Variants in DNAH12 observed in about 807,000 individuals in gnomAD.
The protein encoded by DNAH12 is dynein axonemal heavy chain 12.
Under a neutral mutation model 371.5 loss-of-function variants are expected in DNAH12, and 285 were observed. The observed-to-expected ratio is 0.77, with a 90% CI of 0.70 to 0.85. DNAH12 has a LOEUF of 0.85. Ranked by LOEUF, DNAH12 falls within the 40% of genes least tolerant of loss-of-function variation. The pLI is 0.00. For synonymous variants in DNAH12, 1,200 were observed against 1,213.0 expected, an observed-to-expected ratio of 0.99 and a Z score of 0.22; for missense variants, 3,611 against 3,689.4, an observed-to-expected ratio of 0.98 and a Z score of 0.55.
chr3:57,396,239 T>C (rs1268832789), intron 43 of DNAH12, among the ~76,000 whole-genome samples: 7 of 140,830 alleles, frequency 5.0e-5, no homozygotes, highest in African/African-American at 1.3e-4. Context: ...GATTGTGTCA[T>C]TGCCCTTTAG....
At position 57,312,342 on chromosome 3, in the gene DNAH12, A is replaced by G. The variant is rs559030979; in HGVS notation, c.10663-1392T>C. On this transcript the variant is annotated intron_variant, in intron 66 of 73. Coordinates refer to ENST00000495027, the MANE Select transcript of DNAH12 (RefSeq NM_001366028.2). ...TTGGGGGAGGGGAAGGGTGTGTTCA[A>G]CTGGGTTCCTTCCCCTCCCAAAGCT... Among the ~76,000 whole-genome samples, 5 of 152,266 alleles carry G rather than the reference A, an allele frequency of 3.3e-5. No homozygotes were observed. The South Asian group carries it at 6.2e-4, about 19-fold the overall frequency.
chr3:57,385,815 G>C (rs922397246), intron 47 of DNAH12, among the ~76,000 whole-genome samples: 6 of 152,134 alleles, frequency 3.9e-5, no homozygotes, highest in Non-Finnish European at 8.8e-5. Flanking sequence ...CCGGGAGGTG[G>C]AGCTGCAGTG....
chr3:57,552,158 T>G, the DNAH12 span, among the ~76,000 whole-genome samples: 1 of 150,464 alleles, frequency 6.6e-6, no homozygotes, highest in African/African-American at 2.4e-5. Context: ...GGCAGGAGAA[T>G]GGCATGAACC....
intron 71 of DNAH12, 43 bp from the exon 72 acceptor site, chr3:57,296,478 A>T: frequency 2.1e-6 from 3 of 1,409,856 alleles, no homozygotes; most frequent in Non-Finnish European, 2.9e-6. Context: ...TCTCCAGACA[A>T]CTTCATCTCA....
chr3:57,472,738 A>ACCAAT, intron 13 of DNAH12, 67 bp from the exon 14 acceptor site: 1 of 1,460,404 alleles, frequency 6.8e-7, no homozygotes, highest in Non-Finnish European at 9.2e-7. Context: ...AAAGAGAAGA[A>ACCAAT]CCAACAACAA....
chr3:57,357,379 A>T (rs1195701620), intron 58 of DNAH12, 31 bp from the exon 59 acceptor site: 1 of 152,190 alleles, frequency 6.6e-6, no homozygotes, highest in Non-Finnish European at 1.5e-5. Context: ...AGATTAAGAA[A>T]TAGGAAGAGT....
chr3:57,519,847 A>G, intron 4 of DNAH12: 1 of 1,076,472 alleles, frequency 9.3e-7, no homozygotes, highest in Non-Finnish European at 1.4e-6. Flanking sequence ...CATCACCTGG[A>G]CTCTGCAGAT....
intron 38 of DNAH12, 34 bp from the exon 39 acceptor site, chr3:57,413,946 A>G (rs143632873): frequency 1.3e-6 from 2 of 1,528,572 alleles, no homozygotes; most frequent in Admixed American, 2.1e-5. Flanking sequence ...ATATTTACCT[A>G]TAATTGAATT....
At chr3:57,450,186 T>C (rs2065713581) in intron 25 of DNAH12, among the ~76,000 whole-genome samples, 1 of 141,570 alleles carries the variant, frequency 7.1e-6, no homozygotes, top group Admixed American at 7.3e-5. Context: ...AGGCGGAGGT[T>C]GTAGTGAGCC....
chr3:57,358,395 C>T (rs936845634), intron 58 of DNAH12, among the ~76,000 whole-genome samples: 7 of 151,780 alleles, frequency 4.6e-5, no homozygotes, highest in Non-Finnish European at 8.8e-5. Flanking sequence ...CACACAGCCC[C>T]GGAGGTAGAG....
intron 73 of DNAH12, 27 bp downstream of exon 73, chr3:57,295,498 A>G: frequency 6.5e-7 from 1 of 1,539,978 alleles, no homozygotes; most frequent in Non-Finnish European, 8.8e-7. Flanking sequence ...CTAAACTTCA[A>G]ATAAATTTTG....
chr3:57,507,012 A>G (rs781151182), intron 8 of DNAH12, among the ~76,000 whole-genome samples: 23 of 151,682 alleles, frequency 1.5e-4, no homozygotes, highest in Non-Finnish European at 2.4e-4. Flanking sequence ...TAGTTACAGC[A>G]TTACATACTA....
At chr3:57,443,552 TTTAAA>T (rs1315757100) in intron 29 of DNAH12, among the ~76,000 whole-genome samples, 1 of 152,206 alleles carries the variant, frequency 6.6e-6, no homozygotes, top group Non-Finnish European at 1.5e-5. Flanking sequence ...TTTTTGTTAT[TTTAAA>T]TTTTTAATTG....
At chr3:57,461,445 A>C (rs62250592) in intron 19 of DNAH12, 44 bp downstream of exon 19, 87,927 of 1,534,736 alleles carry the variant, frequency 0.057, 3,038 homozygotes, top group Non-Finnish European at 0.067. Flanking sequence ...ATAGGATTGC[A>C]ATCCGTATAA....
At chr3:57,524,751 TA>T (rs1251995844) in intron 2 of DNAH12, among the ~76,000 whole-genome samples, 2 of 151,754 alleles carry the variant, frequency 1.3e-5, no homozygotes, top group East Asian at 1.9e-4. Context: ...TCCTGGGATC[TA>T]AAAAAACAAA....
At chr3:57,426,708 A>G (rs1216568443) in intron 34 of DNAH12, among the ~76,000 whole-genome samples, 1 of 151,852 alleles carries the variant, frequency 6.6e-6, no homozygotes, top group East Asian at 1.9e-4. Context: ...GTTGTGGTGC[A>G]CGCCTGTAAT....
chr3:57,359,965 G>A (rs1017020525), intron 58 of DNAH12, among the ~76,000 whole-genome samples: 29 of 152,276 alleles, frequency 1.9e-4, no homozygotes, highest in Non-Finnish European at 3.2e-4. Flanking sequence ...TGTTTGCAAT[G>A]ATCAGTGGGA....
At chr3:57,408,880 T>C (rs1315192038) in intron 39 of DNAH12, among the ~76,000 whole-genome samples, 2 of 152,232 alleles carry the variant, frequency 1.3e-5, no homozygotes, top group Non-Finnish European at 2.9e-5. Flanking sequence ...TAGCTGTTTA[T>C]AGATAAGGTG....
chr3:57,342,846 G>A (rs977539803), intron 60 of DNAH12, among the ~76,000 whole-genome samples: 2 of 152,038 alleles, frequency 1.3e-5, no homozygotes, highest in Non-Finnish European at 2.9e-5. Context: ...GCCAAGGCAG[G>A]TGGATCACTT....
Sources: gnomAD v4.1 joint callset for allele counts (sites outside exome capture counted in the v4.1 genomes callset) on GRCh38, gnomAD v4.1.1 for gene constraint, MANE v1.5 for transcripts, NCBI Gene and HGNC (gene_info 2026-07-23, HGNC 2026-07-21) for gene names.